The following PARD3B variants were observed in gnomAD, a reference collection of about 807,000 sequenced individuals.
PARD3B encodes the protein partitioning defective 3 homolog B.
PARD3B carries 103 observed loss-of-function variants against 130.2 expected under a neutral mutation model. That is an observed-to-expected ratio of 0.79 (90% CI 0.67 to 0.93). The LOEUF is 0.93. Ranked by LOEUF, PARD3B falls within the 40% of genes least tolerant of loss-of-function variation. PARD3B has a pLI of 0.00. For missense variants in PARD3B, 1,609 were observed against 1,499.2 expected (o/e 1.07, Z -1.21); for synonymous variants, 583 against 553.2 (o/e 1.05, Z -0.76).
rs2037278431 is a variant in PARD3B, at chr2:204,689,970, TGAGTATAACAAAACAGTTGAGTA to T, written c.222+3689_222+3711del. 6.6e-6 allele frequency among the ~76,000 whole-genome samples: 1 copy of T among 152,172 alleles called. No homozygotes were observed. The highest frequency in any genetic ancestry group is 2.4e-5 in the African/African-American group (1 of 41,436). The stretch of plus-strand genomic sequence containing the variant: ...AAAGGTTGGTAATAGACCAAACTGT[TGAGTATAACAAAACAGTTGAGTA>T]TACAATTTATTTATAAATTAATTCA... On this transcript the variant is annotated intron_variant, in intron 2 of 22. Coordinates refer to ENST00000406610, the MANE Select transcript of PARD3B (RefSeq NM_001302769.2). This position sits in a 1 kb window ranked among gnomAD's most constrained non-coding sequence, Gnocchi z 5.2.
chr2:204,941,406 G>A (rs908443566), intron 2 of PARD3B, among the ~76,000 whole-genome samples: 1 of 152,176 alleles, frequency 6.6e-6, no homozygotes, highest in African/African-American at 2.4e-5. Flanking sequence ...ACACCTTAAG[G>A]ATGGCAATTA....
chr2:205,295,918 A>G (rs2041773321), intron 16 of PARD3B, among the ~76,000 whole-genome samples: 1 of 152,212 alleles, frequency 6.6e-6, no homozygotes, highest in African/African-American at 2.4e-5. Context: ...AAACAATTTC[A>G]GGAGTTTAAT....
chr2:204,889,275 A>T (rs1269248030), intron 2 of PARD3B, among the ~76,000 whole-genome samples: 1 of 152,074 alleles, frequency 6.6e-6, no homozygotes, highest in African/African-American at 2.4e-5. Flanking sequence ...GCTCTTCATG[A>T]TCTCGATTCT....
chr2:204,838,265 C>G (rs975947432), intron 2 of PARD3B, among the ~76,000 whole-genome samples: 1 of 152,000 alleles, frequency 6.6e-6, no homozygotes, highest in Non-Finnish European at 1.5e-5. Context: ...TCACTGCAAC[C>G]TCCACCTCCT....
chr2:204,582,667 T>A (rs777578172), intron 1 of PARD3B, among the ~76,000 whole-genome samples: 1 of 152,232 alleles, frequency 6.6e-6, no homozygotes, highest in East Asian at 1.9e-4. Context: ...CTCTGTCCTT[T>A]CAGTCCCTCA....
intron 22 of PARD3B, among the ~76,000 whole-genome samples, chr2:205,567,936 ACACTCACACCT>A (rs2053417837): frequency 2.0e-5 from 3 of 152,190 alleles, no homozygotes; most frequent in Admixed American, 6.5e-5. Flanking sequence ...GGTAGGGAAG[ACACTCACACCT>A]TGCCCCACCT....
At chr2:205,211,728 G>T (rs954766683) in intron 15 of PARD3B, among the ~76,000 whole-genome samples, 13 of 152,052 alleles carry the variant, frequency 8.5e-5, no homozygotes, top group African/African-American at 3.1e-4. Flanking sequence ...TTAAAATAGA[G>T]ATCAAATTGG....
chr2:204,689,561 C>A lies in PARD3B; in HGVS notation c.222+3279C>A, dbSNP rs930902539. On this transcript the variant is annotated intron_variant, in intron 2 of 22. Transcript: ENST00000406610. The surrounding 1 kb of genome is among the most constrained non-coding windows in gnomAD (Gnocchi z 5.2). ...TTGTAATTTTACACTCATGTCTCCT[C>A]TCTGGTTGCTAAAGGCTACCAACTT... 3.9e-5 allele frequency among the ~76,000 whole-genome samples: 6 copies of A among 152,102 alleles called. No individual in the cohort carries two copies. The highest frequency in any genetic ancestry group is 7.4e-5 in the Non-Finnish European group (5 of 68,018).
At chr2:204,916,169 T>C (rs1022178392) in intron 2 of PARD3B, among the ~76,000 whole-genome samples, 1 of 152,180 alleles carries the variant, frequency 6.6e-6, no homozygotes, top group South Asian at 2.1e-4. Context: ...GATAAAAAAT[T>C]AGGGTCAGGT....
rs1401246320 is a variant in PARD3B at position 205,368,859 on chromosome 2, AC to A, written c.2631-32153del. Among the ~76,000 whole-genome samples, 27 of 78,616 alleles carry A rather than the reference AC, an allele frequency of 3.4e-4. 1 individual carries two copies. The highest frequency in any genetic ancestry group is 8.2e-4 in the African/African-American group (24 of 29,300). The allele number at this position is 78,616 out of a possible 152,430, so 51.6% of individuals were successfully genotyped here. On this transcript the variant is annotated intron_variant, in intron 18 of 22. Transcript: ENST00000406610. ...TCTCAATTCAGGGGAGCTTGGGAAA[AC>A]AAAAAAAAAAAAAACACCCCATAAC...
At chr2:205,199,464 T>C (rs2036867622) in intron 15 of PARD3B, among the ~76,000 whole-genome samples, 1 of 151,826 alleles carries the variant, frequency 6.6e-6, no homozygotes, top group Non-Finnish European at 1.5e-5. Flanking sequence ...TGTGTGTGTA[T>C]ATACACATAC....
chr2:204,783,778 T>C (rs1375528666), intron 2 of PARD3B, among the ~76,000 whole-genome samples: 1 of 152,116 alleles, frequency 6.6e-6, no homozygotes, highest in Non-Finnish European at 1.5e-5. Context: ...GCAGCCTGGC[T>C]TCAGGGTCCA....
chr2:204,787,458 C>G (rs2042052125), intron 2 of PARD3B, among the ~76,000 whole-genome samples: 1 of 152,152 alleles, frequency 6.6e-6, no homozygotes, highest in South Asian at 2.1e-4. Flanking sequence ...ACCATTGCCA[C>G]TGGAGGTGGC....
At position 205,060,799 on chromosome 2, in the gene PARD3B, C is replaced by T. The variant is rs531760706; in HGVS notation, c.504+13109C>T. 2.7e-3 allele frequency among the ~76,000 whole-genome samples: 417 copies of T among 152,234 alleles called. 1 individual carries two copies. The highest frequency in any genetic ancestry group is 4.4e-3 in the Non-Finnish European group (302 of 68,014). On this transcript the variant is annotated intron_variant, in intron 4 of 22. Coordinates refer to ENST00000406610, the MANE Select transcript of PARD3B (RefSeq NM_001302769.2). ...TACATATAAAAACTAGAGCTAGCCACAGCTTTTATTTTTAGCTTCTCAACT... is the reference window on the plus strand; with the variant it reads ...TACATATAAAAACTAGAGCTAGCCATAGCTTTTATTTTTAGCTTCTCAACT...
At chr2:205,129,481 C>A (rs537689469) in intron 10 of PARD3B, among the ~76,000 whole-genome samples, 1 of 152,288 alleles carries the variant, frequency 6.6e-6, no homozygotes, top group African/African-American at 2.4e-5. Flanking sequence ...AAGGTGATAT[C>A]ACTTTGGTCT....
Position 205,191,075 on chromosome 2 carries a change from G to GAA in PARD3B, c.2025-2115_2025-2114dup, listed in dbSNP as rs5837960. ...GTACCCAGACACCAGGAAAGAAATA[G>GAA]AAAAAAAAAAAAAAAAGGCTACATA... On this transcript the variant is annotated intron_variant, in intron 14 of 22. Transcript: ENST00000406610. 9.9e-3 allele frequency among the ~76,000 whole-genome samples: 966 copies of GAA among 97,696 alleles called. 15 individuals carry two copies. Among genetic ancestry groups the GAA allele is most frequent in the Middle Eastern group, 0.015 (2 of 136 alleles). The allele number at this position is 97,696 out of a possible 152,430, so 64.1% of individuals were successfully genotyped here. A position where few individuals can be genotyped will look rare whatever the true frequency, so the allele number is the denominator to read the frequency against.
chr2:204,935,010 C>T lies in PARD3B; in HGVS notation c.223-30142C>T, dbSNP rs182981725. 2.3e-3 allele frequency among the ~76,000 whole-genome samples: 349 copies of T among 152,272 alleles called. 1 individual carries two copies. Among genetic ancestry groups the T allele is most frequent in the African/African-American group, 8.1e-3 (336 of 41,550 alleles). On this transcript the variant is annotated intron_variant, in intron 2 of 22. Coordinates refer to ENST00000406610, the MANE Select transcript of PARD3B (RefSeq NM_001302769.2). ...CTTATTATTTCTGCCCTCATGCCCT[C>T]ATTTAGAACACCTTATTTGTTATAT...
intron 2 of PARD3B, among the ~76,000 whole-genome samples, chr2:204,783,110 A>G (rs142464410): frequency 1.8e-4 from 27 of 152,222 alleles, no homozygotes; most frequent in Admixed American, 1.7e-3. Context: ...AAGAATTTCA[A>G]CTGACTAGGC....
In PARD3B at chr2:205,296,018, G is replaced by A. The variant is rs552328976; in HGVS notation, c.2186-4512G>A. On this transcript the variant is annotated intron_variant, in intron 16 of 22. Coordinates refer to ENST00000406610, the MANE Select transcript of PARD3B (RefSeq NM_001302769.2). ...AGTCCTTTTTAGCTGTTTGTAGAAC[G>A]CATGATCATATTTAAGAATTCAATG... Among the ~76,000 whole-genome samples the A allele has an allele frequency of 8.7e-4, 132 of 152,094 alleles. 1 individual carries two copies. The highest frequency in any genetic ancestry group is 1.5e-3 in the Admixed American group (23 of 15,268).
Sources: gnomAD v4.1 joint callset for allele counts (sites outside exome capture counted in the v4.1 genomes callset) on GRCh38, gnomAD v4.1.1 for gene constraint, Gnocchi (gnomAD v3.1) non-coding constraint, MANE v1.5 for transcripts, NCBI Gene and HGNC (gene_info 2026-07-23, HGNC 2026-07-21) for gene names.